PPEF2: variants seen among roughly 807,000 people sequenced by gnomAD.
The protein encoded by PPEF2 is protein phosphatase with EF-hand domain 2.
Under a neutral mutation model 84.7 loss-of-function variants are expected in PPEF2, and 84 were observed. The observed-to-expected ratio is 0.99, with a 90% CI of 0.83 to 1.19. PPEF2 has a LOEUF of 1.19. PPEF2 is among the 50% of genes most tolerant of loss of function. PPEF2 has a pLI of 0.00. For missense variants in PPEF2, 924 were observed against 937.5 expected, an observed-to-expected ratio of 0.99 and a Z score of 0.19; for synonymous variants, 346 against 345.2, an observed-to-expected ratio of 1.00 and a Z score of -0.03.
In PPEF2 at chr4:75,888,078, A is replaced by C. The variant is rs564849844; in HGVS notation, c.532+136T>G. ...TAGGTAAATGTGGAGTGAATATGCAAATTGTGGACCTGAAGGGGTTAAATT... is the reference window on the plus strand; with the variant it reads ...TAGGTAAATGTGGAGTGAATATGCACATTGTGGACCTGAAGGGGTTAAATT... On this transcript the variant is annotated intron_variant, in intron 6 of 16. Transcript: ENST00000286719. 5.6e-5 allele frequency: 37 copies of C among 656,784 alleles called. No homozygotes were observed. In the African/African-American group the frequency reaches 6.6e-4, roughly 12 times the overall value. 40.7% of individuals were successfully genotyped at this position (656,784 alleles called of 1,614,324 possible).
chr4:75,860,970 T>C, intron 16 of PPEF2, 50 bp from the exon 17 acceptor site: 1 of 1,588,796 alleles, frequency 6.3e-7, no homozygotes, highest in African/African-American at 1.3e-5. Context: ...GTTTTTAATG[T>C]TCATTTTCTC....
At chr4:75,868,625 G>A (rs768762593) in intron 13 of PPEF2, among the ~76,000 whole-genome samples, 2 of 151,968 alleles carry the variant, frequency 1.3e-5, no homozygotes, top group Non-Finnish European at 2.9e-5. Context: ...GAGCCTGGGA[G>A]GTCGAGGCTG....
chr4:75,887,612 C>T (rs1261139264), intron 6 of PPEF2, among the ~76,000 whole-genome samples: 1 of 106,292 alleles, frequency 9.4e-6, no homozygotes, highest in Non-Finnish European at 1.9e-5. Context: ...CAGAGCGGGA[C>T]TGTGTCTCAA....
At chr4:75,901,380 G>C (rs776124059) in intron 1 of PPEF2, among the ~76,000 whole-genome samples, 1 of 152,136 alleles carries the variant, frequency 6.6e-6, no homozygotes. Flanking sequence ...GCTGGGCATG[G>C]TGGCACATGC....
chr4:75,896,199 A>G, intron 2 of PPEF2, 72 bp downstream of exon 2: 1 of 1,528,828 alleles, frequency 6.5e-7, no homozygotes, highest in South Asian at 1.1e-5. Context: ...TACCCTCAGA[A>G]CCCCCAACCC....
chr4:75,892,756 A>G (rs1381624258), intron 2 of PPEF2, among the ~76,000 whole-genome samples: 2 of 152,188 alleles, frequency 1.3e-5, no homozygotes, highest in African/African-American at 2.4e-5. Flanking sequence ...GTGGAGTTTC[A>G]TTCTTTATAT....
intron 5 of PPEF2, 56 bp downstream of exon 5, chr4:75,889,901 T>A (rs1173837885): frequency 6.3e-7 from 1 of 1,577,634 alleles, no homozygotes; most frequent in Non-Finnish European, 8.7e-7. Flanking sequence ...GGGTTTCGTC[T>A]CCCTTCACAC....
chr4:75,874,301 G>GTT lies in PPEF2; in HGVS notation c.1321-991_1321-990dup, dbSNP rs1277052520. On this transcript the variant is annotated intron_variant, in intron 11 of 16. Coordinates refer to ENST00000286719, the MANE Select transcript of PPEF2 (RefSeq NM_006239.3). ...GTCATTTAATACTTTCTTTTCTTTTGTTTTTTTTTTTTGAGACAGAGTCTC... is the reference window on the plus strand; with the variant it reads ...GTCATTTAATACTTTCTTTTCTTTTGTTTTTTTTTTTTTTGAGACAGAGTCTC... 8.1e-4 allele frequency among the ~76,000 whole-genome samples: 115 copies of GTT among 142,066 alleles called. 1 individual carries two copies. Among genetic ancestry groups the GTT allele is most frequent in the African/African-American group, 2.7e-3 (105 of 38,970 alleles). 93.2% of individuals were successfully genotyped at this position (142,066 alleles called of 152,430 possible).
chr4:75,889,971 A>C lies in PPEF2; in HGVS notation c.403T>G (p.Phe135Val), dbSNP rs1724834032. Residue 135 changes from phenylalanine to valine, a missense_variant, in exon 5 of 17, where the codon TTC becomes GTC. Coordinates refer to ENST00000286719, the MANE Select transcript of PPEF2 (RefSeq NM_006239.3). ...GGTGAGCTTACTTGTTTCAGTCTGA[A>C]TGCTTCTACCAGGGCAGTTGCATGG... Reference protein sequence around the residue: ...PDHATALVEAFRLKQQLHARY... With the variant: ...PDHATALVEAVRLKQQLHARY... The C allele has an allele frequency of 6.2e-7, 1 of 1,614,118 alleles. No individual in the cohort carries two copies. The highest frequency in any genetic ancestry group is 2.2e-5 in the East Asian group (1 of 44,868).
chr4:75,882,804 A>T, intron 10 of PPEF2, 122 bp downstream of exon 10: 1 of 1,085,342 alleles, frequency 9.2e-7, no homozygotes, highest in Non-Finnish European at 1.3e-6. Flanking sequence ...CCATACTCTT[A>T]ATGGCCTCCA....
intron 2 of PPEF2, among the ~76,000 whole-genome samples, chr4:75,892,759 C>T (rs2149228545): frequency 6.6e-6 from 1 of 152,298 alleles, no homozygotes; most frequent in Non-Finnish European, 1.5e-5. Context: ...GAGTTTCATT[C>T]TTTATATAAG....
intron 10 of PPEF2, 105 bp from the exon 11 acceptor site, chr4:75,876,778 A>G: frequency 7.9e-7 from 1 of 1,266,178 alleles, no homozygotes; most frequent in South Asian, 1.8e-5. Flanking sequence ...GACTGAGCCC[A>G]GCAGAACACT....
At position 75,876,467 on chromosome 4, in the gene PPEF2, G is replaced by A. The variant is rs947153836; in HGVS notation, c.1140C>T (p.Ser380=). 1.9e-6 allele frequency: 3 copies of A among 1,613,896 alleles called. No individual in the cohort carries two copies. The highest frequency in any genetic ancestry group is 1.7e-5 in the Admixed American group (1 of 59,994). The part of the protein sequence containing the change: ...SRSSSIPCSG[S]LDGRELSRQV... ...GCCGGGAGAGCTCCCGCCCGTCCAG[G>A]GAACCGCTGCAGGGGATGCTGGAGG... Residue 380 remains serine, a synonymous_variant, in exon 11 of 17, where the codon TCC becomes TCT. Coordinates refer to ENST00000286719, the MANE Select transcript of PPEF2 (RefSeq NM_006239.3).
rs768082265 is a variant in PPEF2, at chr4:75,883,084, A to G, written c.784-9T>C. On this transcript the variant is annotated splice_polypyrimidine_tract_variant and intron_variant, in intron 9 of 16. Coordinates refer to ENST00000286719, the MANE Select transcript of PPEF2 (RefSeq NM_006239.3). ...ATTTCCTTCCCGTGTACCTGGAAAA[A>G]ATGATATAAACAAAATGTTATCAAA... 21 of 1,613,734 alleles carry G rather than the reference A, an allele frequency of 1.3e-5. No individual in the cohort carries two copies. Among genetic ancestry groups the G allele is most frequent in the Non-Finnish European group, 1.8e-5 (21 of 1,179,836 alleles).
Position 75,873,288 on chromosome 4 carries a change from G to A in PPEF2, c.1345C>T (p.Pro449Ser). 1 of 1,613,708 alleles carries A rather than the reference G, an allele frequency of 6.2e-7. No individual in the cohort carries two copies. The highest frequency in any genetic ancestry group is 8.5e-7 in the Non-Finnish European group (1 of 1,179,938). ...GCCTTGCAGCCCTCTTGAGCCATGG[G>A]ATCACTCCACAGGATATCTACAACC... ...RQVVDILWSDPMAQEGCKANT... is the reference protein window; with the variant it reads ...RQVVDILWSDSMAQEGCKANT... Residue 449 changes from proline (P) to serine (S), a missense_variant, in exon 12 of 17, where the codon CCC (proline) becomes TCC (serine). Physicochemically the swap from Pro to Ser is moderately conservative, Grantham distance 74 (BLOSUM62 -1). Transcript: ENST00000286719.
In PPEF2 at chr4:75,860,914, A is replaced by G; in HGVS notation, c.2015T>C (p.Ile672Thr). Reference protein sequence around the residue: ...RIIDSDHSGFISLDEFRQTWK... With the variant: ...RIIDSDHSGFTSLDEFRQTWK... ...GGTCTGCCTGAACTCGTCCAGTGAGATGAACCCTTATCAGAGGGAGGAAAT... is the reference window on the plus strand; with the variant it reads ...GGTCTGCCTGAACTCGTCCAGTGAGGTGAACCCTTATCAGAGGGAGGAAAT... The change falls in exon 17 of 17, where the codon ATC becomes ACC. Residue 672 changes from isoleucine to threonine, a missense_variant. Coordinates refer to ENST00000286719, the MANE Select transcript of PPEF2 (RefSeq NM_006239.3). The G allele has an allele frequency of 2.5e-6, 4 of 1,613,562 alleles. No homozygotes were observed. Among genetic ancestry groups the G allele is most frequent in the Non-Finnish European group, 3.4e-6 (4 of 1,179,466 alleles).
Position 75,867,453 on chromosome 4 carries a change from C to T in PPEF2, c.1650-34G>A, listed in dbSNP as rs1724158935. ...GGAGATGAAAAGCGACATTTTAACACACTGGTATAGAAAAAATACTTAGAG... is the reference window on the plus strand; with the variant it reads ...GGAGATGAAAAGCGACATTTTAACATACTGGTATAGAAAAAATACTTAGAG... On this transcript the variant is annotated intron_variant, in intron 13 of 16. Transcript: ENST00000286719. 2.1e-6 allele frequency: 3 copies of T among 1,413,238 alleles called. No individual in the cohort carries two copies. In the East Asian group the frequency reaches 6.8e-5, roughly 32 times the overall value. 87.5% of individuals were successfully genotyped at this position (1,413,238 alleles called of 1,614,324 possible).
chr4:75,895,272 T>A (rs1206004736), intron 2 of PPEF2, among the ~76,000 whole-genome samples: 1 of 148,088 alleles, frequency 6.8e-6, no homozygotes, highest in African/African-American at 2.5e-5. Flanking sequence ...TACTAAAAAT[T>A]CAAAAAATTA....
rs553855847 is a variant in PPEF2, at chr4:75,902,222, G to T, written c.-59+8C>A. The T allele has an allele frequency of 6.6e-6, 1 of 152,366 alleles. No homozygotes were observed. Among genetic ancestry groups the T allele is most frequent in the African/African-American group, 2.4e-5 (1 of 41,576 alleles). 9.4% of individuals were successfully genotyped at this position (152,366 alleles called of 1,614,324 possible). A position where few individuals can be genotyped will look rare whatever the true frequency, so the allele number is the denominator to read the frequency against. On this transcript the variant is annotated splice_region_variant and intron_variant, in intron 1 of 16. Coordinates refer to ENST00000286719, the MANE Select transcript of PPEF2 (RefSeq NM_006239.3). ...ATTTCTACTTTAGGCTAGACAGAAA[G>T]TTCTTACCTTCTTTGCTGGGTTTTT...
Sources: gnomAD v4.1 joint callset for allele counts (sites outside exome capture counted in the v4.1 genomes callset) on GRCh38, gnomAD v4.1.1 for gene constraint, MANE v1.5 for transcripts, NCBI Gene and HGNC (gene_info 2026-07-23, HGNC 2026-07-21) for gene names.